The following PEX11G variants were observed in gnomAD, a reference collection of about 807,000 sequenced individuals.
PEX11G encodes the protein peroxisomal membrane protein 11C.
PEX11G carries 20 observed loss-of-function variants against 22.5 expected under a neutral mutation model. The ratio of observed to expected loss-of-function variants is 0.89; its 90% confidence interval spans 0.62 to 1.29. The LOEUF (loss-of-function observed/expected upper bound fraction) is 1.29. Ranked by LOEUF, PEX11G falls within the 50% of genes most tolerant of loss-of-function variation. The probability of loss-of-function intolerance (pLI) is 0.00; values close to 1 mark genes in which losing one functional copy is unlikely to be tolerated. For synonymous variants in PEX11G, 141 were observed against 154.5 expected (o/e 0.91, Z 0.65); for missense variants, 347 against 331.3 (o/e 1.05, Z -0.37).
intron 2 of PEX11G, among the ~76,000 whole-genome samples, chr19:7,482,679 G>T (rs1977552248): frequency 6.6e-6 from 1 of 152,180 alleles, no homozygotes; most frequent in Non-Finnish European, 1.5e-5. Context: ...CTCTATGCAG[G>T]GAGCATGAGG....
upstream of PEX11G, chr19:7,489,175 G>A (rs1013529754): frequency 1.3e-6 from 1 of 760,346 alleles, no homozygotes; most frequent in Non-Finnish European, 1.6e-6. Context: ...AGTTTGCAGA[G>A]GTGGGGCCGA....
In PEX11G at chr19:7,485,772, A is replaced by C. The variant is rs959540092; in HGVS notation, c.249+66T>G. The C allele has an allele frequency of 2.1e-6, 3 of 1,441,190 alleles. No individual in the cohort carries two copies. In the African/African-American group the frequency reaches 4.3e-5, roughly 20 times the overall value. 89.3% of individuals were successfully genotyped at this position (1,441,190 alleles called of 1,614,324 possible). A position where few individuals can be genotyped will look rare whatever the true frequency, so the allele number is the denominator to read the frequency against. Reference sequence around the variant, plus strand: ...GCATGAGCCACTGTGAGGGGCCAAAAAATTTTTTAAAAAATGTCCACTCAG... The same window carrying C: ...GCATGAGCCACTGTGAGGGGCCAAACAATTTTTTAAAAAATGTCCACTCAG... On this transcript the variant is annotated intron_variant, in intron 2 of 4. Coordinates refer to ENST00000221480, the MANE Select transcript of PEX11G (RefSeq NM_080662.4).
At chr19:7,483,559 T>C (rs1977606275) in intron 2 of PEX11G, among the ~76,000 whole-genome samples, 1 of 152,062 alleles carries the variant, frequency 6.6e-6, no homozygotes, top group Non-Finnish European at 1.5e-5. Flanking sequence ...ACAGAGGGCA[T>C]AGAGGAACGA....
intron 3 of PEX11G, among the ~76,000 whole-genome samples, chr19:7,479,230 T>C (rs920874375): frequency 6.6e-6 from 1 of 152,156 alleles, no homozygotes; most frequent in Non-Finnish European, 1.5e-5. Context: ...ACACCTGTAA[T>C]CCCGGGACTT....
chr19:7,482,341 G>T, intron 2 of PEX11G, 130 bp from the exon 3 acceptor site: 3 of 1,090,280 alleles, frequency 2.8e-6, no homozygotes, highest in Non-Finnish European at 3.8e-6. Context: ...GGCCTGGCAG[G>T]CCCCGCGGGA....
intron 2 of PEX11G, among the ~76,000 whole-genome samples, chr19:7,485,135 T>C (rs762918722): frequency 6.6e-6 from 1 of 151,986 alleles, no homozygotes; most frequent in Middle Eastern, 3.2e-3. Flanking sequence ...CCAGCCTGTA[T>C]GACAAAGCAA....
rs547407391 is a variant in PEX11G at position 7,488,201 on chromosome 19, T to C, written c.60+750A>G. On this transcript the variant is annotated intron_variant, in intron 1 of 4. Transcript: ENST00000221480. The stretch of plus-strand genomic sequence containing the variant: ...ATGTAAACGTCCAGCCAGGCTGGGT[T>C]GGCAGAGACGATCTAAATGACCAAC... 3.3e-5 allele frequency among the ~76,000 whole-genome samples: 5 copies of C among 152,362 alleles called. No homozygotes were observed. In the South Asian group the frequency reaches 1.0e-3, roughly 32 times the overall value.
intron 3 of PEX11G, among the ~76,000 whole-genome samples, chr19:7,479,088 CCAGGGTG>C (rs1417576586): frequency 1.1e-4 from 17 of 152,192 alleles, no homozygotes; most frequent in African/African-American, 4.1e-4. Flanking sequence ...CACTGGGTAC[CCAGGGTG>C]CAGGATGCAG....
intron 3 of PEX11G, 88 bp downstream of exon 3, chr19:7,481,945 C>G (rs1977505212): frequency 3.7e-6 from 5 of 1,335,162 alleles, no homozygotes. Flanking sequence ...CAGTCTGAAG[C>G]CTGTGCTGTT....
intron 1 of PEX11G, among the ~76,000 whole-genome samples, chr19:7,487,874 C>G (rs561380502): frequency 2.0e-5 from 3 of 152,184 alleles, no homozygotes; most frequent in Admixed American, 6.5e-5. Context: ...ACCCACCCCC[C>G]CAATCATAAG....
chr19:7,489,575 G>A (rs1599226613), upstream of PEX11G: 3 of 879,722 alleles, frequency 3.4e-6, no homozygotes, highest in South Asian at 1.0e-4. Context: ...TGCACATGTT[G>A]GACAACCATC....
At chr19:7,479,073 C>T in intron 3 of PEX11G, among the ~76,000 whole-genome samples, 1 of 152,248 alleles carries the variant, frequency 6.6e-6, no homozygotes, top group East Asian at 1.9e-4. Flanking sequence ...CACAACTCCT[C>T]TGGCCACTGG....
chr19:7,494,635 G>A (rs1357361245), intron 1 of PEX11G, among the ~76,000 whole-genome samples: 2 of 152,186 alleles, frequency 1.3e-5, no homozygotes, highest in Non-Finnish European at 2.9e-5. Context: ...CATCTGGCTA[G>A]GTCTGAGCTC....
intron 3 of PEX11G, 47 bp from the exon 4 acceptor site, chr19:7,478,423 G>C (rs776497322): frequency 6.4e-7 from 1 of 1,570,842 alleles, no homozygotes; most frequent in South Asian, 1.2e-5. Context: ...GGGAGCAGGA[G>C]GGTTAGCTCC....
At chr19:7,482,240 G>C in intron 2 of PEX11G, 29 bp from the exon 3 acceptor site, 1 of 1,534,934 alleles carries the variant, frequency 6.5e-7, no homozygotes, top group Non-Finnish European at 8.8e-7. Flanking sequence ...AGGGGGCCTA[G>C]GGTCAGACTT....
upstream of PEX11G, among the ~76,000 whole-genome samples, chr19:7,492,243 T>C (rs2021902785): frequency 1.3e-5 from 2 of 152,206 alleles, no homozygotes; most frequent in Admixed American, 1.3e-4. Flanking sequence ...TTTTGAGTAA[T>C]TGCCCAACTG....
chr19:7,492,307 C>T (rs567319366), upstream of PEX11G, among the ~76,000 whole-genome samples: 1 of 152,304 alleles, frequency 6.6e-6, no homozygotes, highest in East Asian at 1.9e-4. Flanking sequence ...CACAAAGGTT[C>T]CAATTTCGCC....
intron 3 of PEX11G, among the ~76,000 whole-genome samples, chr19:7,479,965 T>TA (rs945399805): frequency 1.3e-5 from 2 of 151,946 alleles, no homozygotes; most frequent in African/African-American, 4.8e-5. Context: ...AAAACTGCTC[T>TA]AAAAAAATAA....
chr19:7,478,697 G>A (rs1319119136), intron 3 of PEX11G, among the ~76,000 whole-genome samples: 2 of 152,246 alleles, frequency 1.3e-5, no homozygotes, highest in African/African-American at 4.8e-5. Flanking sequence ...GCCTGGCAGG[G>A]AGTCCTACAC....
Sources: allele counts gnomAD v4.1 joint callset (sites outside exome capture counted in the v4.1 genomes callset), GRCh38; gene constraint gnomAD v4.1.1; transcripts MANE v1.5; gene names NCBI Gene and HGNC (gene_info 2026-07-23, HGNC 2026-07-21).